The following PCLO variants were observed in gnomAD, a reference collection of about 807,000 sequenced individuals.
PCLO encodes piccolo presynaptic cytomatrix protein, also known as protein piccolo.
PCLO carries 82 observed loss-of-function variants against 427.5 expected under a neutral mutation model. The observed-to-expected ratio is 0.19, with a 90% CI of 0.16 to 0.23. The LOEUF (loss-of-function observed/expected upper bound fraction) is 0.23, where lower values mean the gene tolerates loss of function less well. Among genes scored for constraint, PCLO ranks in the 10% least tolerant of loss-of-function variants. PCLO has a pLI of 1.00. For missense variants in PCLO, 6,239 were observed against 6,115.9 expected, an observed-to-expected ratio of 1.02 and a Z score of -0.67; for synonymous variants, 2,357 against 2,155.4, an observed-to-expected ratio of 1.09 and a Z score of -2.59.
Position 83,162,739 on chromosome 7 carries a change from C to T in PCLO, c.-147G>A. 1 of 1,037,420 alleles carries T rather than the reference C, an allele frequency of 9.6e-7. No individual in the cohort carries two copies. The highest frequency in any genetic ancestry group is 1.4e-6 in the Non-Finnish European group (1 of 739,716). 64.3% of individuals were successfully genotyped at this position (1,037,420 alleles called of 1,614,324 possible). On this transcript the variant is annotated 5_prime_UTR_variant, in exon 1 of 25. Transcript: ENST00000333891. The stretch of plus-strand genomic sequence containing the variant: ...CTGGACTCTGGACCAGGCACTGCCG[C>T]CCGGAACGCCAGGCAGGGGTTAGTC...
chr7:83,129,125 C>A (rs891046000), intron 3 of PCLO, among the ~76,000 whole-genome samples: 2 of 152,082 alleles, frequency 1.3e-5, no homozygotes, highest in African/African-American at 4.8e-5. Context: ...CTGGCTTAAC[C>A]TCTGAACTAT....
At chr7:82,812,011 TA>T (rs1562796983) in intron 20 of PCLO, among the ~76,000 whole-genome samples, 1 of 151,420 alleles carries the variant, frequency 6.6e-6, no homozygotes, top group Non-Finnish European at 1.5e-5. Context: ...TTTTTTCTTA[TA>T]AAAATAAAAA....
intron 3 of PCLO, among the ~76,000 whole-genome samples, chr7:83,011,857 G>A (rs1366569279): frequency 6.6e-6 from 1 of 151,936 alleles, no homozygotes; most frequent in African/African-American, 2.4e-5. Flanking sequence ...ATCTACCTTA[G>A]GAATTCATTC....
Position 82,822,578 on chromosome 7 carries a change from C to G in PCLO, c.14708G>C (p.Ser4903Thr), listed in dbSNP as rs1281694040. The change falls in exon 20 of 25, where the codon AGC becomes ACC. Residue 4903 changes from serine (S) to threonine (T), a missense_variant. Around this residue, in one of 5 missense-constraint regions of PCLO, gnomAD observed 877 missense variants for 925.5 expected, o/e 0.95. Transcript: ENST00000333891. ...HGPSRSQSKT[S>T]VTQTHLEDAG... ...ATCTTCCAGGTGGGTCTGAGTGACGCTGGTTTTGCTTTGACTGCGAGATGG... is the reference window on the plus strand; with the variant it reads ...ATCTTCCAGGTGGGTCTGAGTGACGGTGGTTTTGCTTTGACTGCGAGATGG... 6.2e-7 allele frequency: 1 copy of G among 1,613,892 alleles called. No homozygotes were observed. Among genetic ancestry groups the G allele is most frequent in the Admixed American group, 1.7e-5 (1 of 60,002 alleles).
chr7:83,100,692 A>G (rs2116485629), intron 3 of PCLO, among the ~76,000 whole-genome samples: 1 of 152,276 alleles, frequency 6.6e-6, no homozygotes, highest in African/African-American at 2.4e-5. Flanking sequence ...ATCAGAAACA[A>G]TAACTAATGG....
intron 3 of PCLO, among the ~76,000 whole-genome samples, chr7:83,123,867 G>C (rs1791351547): frequency 7.0e-6 from 1 of 143,780 alleles, no homozygotes; most frequent in Non-Finnish European, 1.5e-5. Context: ...CGAGGCCAGT[G>C]GATCACCTGA....
chr7:83,156,392 C>T lies in PCLO; in HGVS notation c.249G>A (p.Arg83=). ...GATGACTACTATCCAACTCTTGTTT[C>T]CTAGAAGAGTTAAAAAAAAAAAAAA... ...PAAAESPSMH[R]KQELDSSHPP... Residue 83 remains arginine, a splice_region_variant and synonymous_variant, in exon 2 of 25, where the codon AGG becomes AGA. Coordinates refer to ENST00000333891, the MANE Select transcript of PCLO (RefSeq NM_033026.6). 2.8e-6 allele frequency: 4 copies of T among 1,430,326 alleles called. No homozygotes were observed. The highest frequency in any genetic ancestry group is 1.5e-5 in the South Asian group (1 of 66,238). The allele number at this position is 1,430,326 out of a possible 1,614,324, so 88.6% of individuals were successfully genotyped here. A position where few individuals can be genotyped will look rare whatever the true frequency, so the allele number is the denominator to read the frequency against.
At chr7:82,854,162 G>C (rs1209759644) in intron 10 of PCLO, among the ~76,000 whole-genome samples, 1 of 151,800 alleles carries the variant, frequency 6.6e-6, no homozygotes, top group African/African-American at 2.4e-5. Flanking sequence ...AGGTTCTTTG[G>C]CTTTGTCTTT....
At chr7:83,016,682 T>C (rs1421084333) in intron 3 of PCLO, among the ~76,000 whole-genome samples, 1 of 151,990 alleles carries the variant, frequency 6.6e-6, no homozygotes, top group African/African-American at 2.4e-5. Context: ...ATCACTGGAG[T>C]ATTCTGAATA....
At chr7:83,072,944 GTTTCTC>G (rs1485557205) in intron 3 of PCLO, among the ~76,000 whole-genome samples, 1 of 151,684 alleles carries the variant, frequency 6.6e-6, no homozygotes, top group Non-Finnish European at 1.5e-5. Context: ...TTGCAAAATG[GTTTCTC>G]TTTCTGTCTC....
intron 3 of PCLO, among the ~76,000 whole-genome samples, chr7:83,057,128 G>A (rs1393008851): frequency 6.7e-6 from 1 of 149,182 alleles, no homozygotes; most frequent in Non-Finnish European, 1.5e-5. Flanking sequence ...CTGTCACCGA[G>A]GCTGGAGTAC....
intron 3 of PCLO, among the ~76,000 whole-genome samples, chr7:82,986,044 C>T (rs1020973854): frequency 1.3e-5 from 2 of 151,564 alleles, no homozygotes; most frequent in African/African-American, 4.8e-5. Flanking sequence ...TTACTAATAC[C>T]TTATAATTTA....
chr7:82,841,723 T>C (rs1792372021), intron 13 of PCLO, among the ~76,000 whole-genome samples: 3 of 152,082 alleles, frequency 2.0e-5, no homozygotes, highest in African/African-American at 7.2e-5. Flanking sequence ...TTCATTTTGG[T>C]AAGCCGGCTT....
intron 2 of PCLO, among the ~76,000 whole-genome samples, chr7:83,137,646 T>C (rs556114362): frequency 2.6e-5 from 4 of 151,738 alleles, no homozygotes; most frequent in Non-Finnish European, 5.9e-5. Context: ...TTAGCCAGGA[T>C]GGTCTCCATC....
intron 3 of PCLO, among the ~76,000 whole-genome samples, chr7:83,049,187 A>G (rs1333599653): frequency 6.6e-6 from 1 of 152,166 alleles, no homozygotes; most frequent in Non-Finnish European, 1.5e-5. Flanking sequence ...AATGTATAAT[A>G]TTTTGATGAA....
intron 4 of PCLO, among the ~76,000 whole-genome samples, chr7:82,964,974 C>G (rs1584229689): frequency 6.6e-6 from 1 of 152,094 alleles, no homozygotes; most frequent in Admixed American, 6.6e-5. Context: ...TCATTGCTGT[C>G]CTCTGTGAAT....
chr7:82,922,352 G>C (rs1447441985), intron 6 of PCLO, among the ~76,000 whole-genome samples: 1 of 151,904 alleles, frequency 6.6e-6, no homozygotes. Context: ...GTCCATCAAT[G>C]GTAGACTAGA....
chr7:82,929,704 T>A (rs909305621), intron 6 of PCLO, among the ~76,000 whole-genome samples: 4 of 152,176 alleles, frequency 2.6e-5, no homozygotes, highest in Admixed American at 1.3e-4. Context: ...CCTTGTTTTC[T>A]AAATATGTAT....
At chr7:83,035,973 T>C (rs140189210) in intron 3 of PCLO, among the ~76,000 whole-genome samples, 31 of 152,224 alleles carry the variant, frequency 2.0e-4, no homozygotes, top group East Asian at 1.4e-3. Context: ...TCCAAAATAT[T>C]TTTATTTGAG....
Sources: allele counts gnomAD v4.1 joint callset (sites outside exome capture counted in the v4.1 genomes callset), GRCh38; gene constraint gnomAD v4.1.1; regional missense constraint gnomAD v4.1.1; transcripts MANE v1.5; gene names NCBI Gene and HGNC (gene_info 2026-07-23, HGNC 2026-07-21).